The following ANO2 variants were observed in gnomAD, a reference collection of about 807,000 sequenced individuals.
ANO2 encodes anoctamin-2.
ANO2 carries 101 observed loss-of-function variants against 124.2 expected under a neutral mutation model. The observed-to-expected ratio is 0.81, with a 90% CI of 0.69 to 0.96. The LOEUF (loss-of-function observed/expected upper bound fraction) is 0.96. Among genes scored for constraint, ANO2 ranks in the 40% least tolerant of loss-of-function variants. The pLI, the probability that ANO2 is intolerant of heterozygous loss-of-function variation, is 0.00. For missense variants in ANO2, 1,293 were observed against 1,274.5 expected (o/e 1.01, Z -0.22); for synonymous variants, 486 against 482.5 (o/e 1.01, Z -0.09).
chr12:5,600,560 C>T (rs1326088920), intron 19 of ANO2, among the ~76,000 whole-genome samples: 6 of 152,138 alleles, frequency 3.9e-5, no homozygotes, highest in Non-Finnish European at 7.4e-5. Context: ...TATCTGGACA[C>T]AGTAAGCATT....
chr12:5,683,078 T>C (rs539818915), intron 14 of ANO2, among the ~76,000 whole-genome samples: 1 of 152,228 alleles, frequency 6.6e-6, no homozygotes, highest in Non-Finnish European at 1.5e-5. Flanking sequence ...CAGTAGAGAC[T>C]GTATACTGTG....
intron 20 of ANO2, among the ~76,000 whole-genome samples, chr12:5,590,185 T>G (rs1302451241): frequency 6.6e-6 from 1 of 152,130 alleles, no homozygotes; most frequent in Non-Finnish European, 1.5e-5. Context: ...TCAACACAAA[T>G]TCGTAAACTT....
At chr12:5,822,750 G>A (rs114676665) in intron 7 of ANO2, among the ~76,000 whole-genome samples, 1 of 152,282 alleles carries the variant, frequency 6.6e-6, no homozygotes, top group African/African-American at 2.4e-5. Flanking sequence ...TGTACGCAAT[G>A]CTTCTGCCAA....
chr12:5,876,874 G>T (rs1938139569), intron 3 of ANO2, among the ~76,000 whole-genome samples: 1 of 152,190 alleles, frequency 6.6e-6, no homozygotes, highest in African/African-American at 2.4e-5. Flanking sequence ...AATACCTAAT[G>T]TAGATGACGG....
At chr12:5,924,955 C>T (rs917957482) in intron 1 of ANO2, among the ~76,000 whole-genome samples, 1 of 152,174 alleles carries the variant, frequency 6.6e-6, no homozygotes, top group African/African-American at 2.4e-5. Context: ...GGGGCTCAGG[C>T]TCAGGGCTCT....
chr12:5,837,330 T>A lies in ANO2; in HGVS notation c.634-4727A>T, dbSNP rs1258136769. 2.5e-4 allele frequency among the ~76,000 whole-genome samples: 5 copies of A among 19,868 alleles called. No individual in the cohort carries two copies. In the Admixed American group the frequency reaches 3.7e-3, roughly 15 times the overall value. The allele number at this position is 19,868 out of a possible 152,430, so 13.0% of individuals were successfully genotyped here. ...TTTTTTTTATGATTCCTGCCTTTTT[T>A]TTTTTTTTTAAATTATACTTTAAGT... is the stretch of plus-strand genomic sequence containing the variant. On this transcript the variant is annotated intron_variant, in intron 4 of 24. Transcript: ENST00000682330.
In ANO2 at chr12:5,862,122, G is replaced by A. The variant is rs1174917857; in HGVS notation, c.535-7981C>T. 6.6e-6 allele frequency among the ~76,000 whole-genome samples: 1 copy of A among 152,138 alleles called. No individual in the cohort carries two copies. The highest frequency in any genetic ancestry group is 2.4e-5 in the African/African-American group (1 of 41,430). The stretch of plus-strand genomic sequence containing the variant: ...CACAGGGATTTGGGATTAAGCAAAG[G>A]GAAGAAGTTCCTGCCTAGGGAAGGA... On this transcript the variant is annotated intron_variant, in intron 3 of 24. Coordinates refer to ENST00000682330, the MANE Select transcript of ANO2 (RefSeq NM_001364791.2). This position sits in a 1 kb window ranked among gnomAD's most constrained non-coding sequence, Gnocchi z 4.0.
At chr12:5,812,371 A>AAAAGAAAG (rs368397839) in intron 7 of ANO2, among the ~76,000 whole-genome samples, 718 of 71,256 alleles carry the variant, frequency 0.01, 17 homozygotes, top group African/African-American at 0.03. Flanking sequence ...GAGAGAAAGA[A>AAAAGAAAG]AAAGAAAGAA....
intron 23 of ANO2, among the ~76,000 whole-genome samples, chr12:5,575,440 G>T (rs1032539402): frequency 2.6e-5 from 4 of 152,120 alleles, no homozygotes; most frequent in Non-Finnish European, 5.9e-5. Flanking sequence ...TTAACGATGG[G>T]GATATGTTCT....
rs202175340 is a variant in ANO2 at position 5,739,360 on chromosome 12, C to T, written c.1391G>A (p.Arg464Gln). The stretch of plus-strand genomic sequence containing the variant: ...AGTCAGGTCCCAAAAGTAGCCCAGT[C>T]GCATCTGTAGCCTCTTCCAGTTTTC... The part of the protein sequence containing the change: ...FLENWKRLQM[R>Q]LGYFWDLTGI... The change falls in exon 13 of 25, where the codon CGA becomes CAA. Residue 464 changes from arginine to glutamine, a missense_variant. Transcript: ENST00000682330. 1.1e-3 allele frequency: 1,691 copies of T among 1,607,590 alleles called. 10 individuals carry two copies. Among genetic ancestry groups the T allele is most frequent in the East Asian group, 6.5e-4 (29 of 44,752 alleles).
intron 12 of ANO2, among the ~76,000 whole-genome samples, chr12:5,742,743 G>A (rs1951139207): frequency 6.6e-6 from 1 of 152,128 alleles, no homozygotes; most frequent in Non-Finnish European, 1.5e-5. Flanking sequence ...AGCAAAAAAT[G>A]AATACGTATT....
At chr12:5,693,825 G>A (rs563985539) in intron 14 of ANO2, among the ~76,000 whole-genome samples, 3 of 152,230 alleles carry the variant, frequency 2.0e-5, no homozygotes, top group Non-Finnish European at 4.4e-5. Context: ...ACTGCCACAT[G>A]ACCAGCTCCT....
chr12:5,734,708 C>T (rs1215093531), intron 13 of ANO2, among the ~76,000 whole-genome samples: 1 of 151,524 alleles, frequency 6.6e-6, no homozygotes, highest in Admixed American at 6.6e-5. Flanking sequence ...AGTGCTGTGG[C>T]ATGATCTCGG....
At chr12:5,859,529 G>C (rs780858064) in intron 3 of ANO2, among the ~76,000 whole-genome samples, 2 of 151,628 alleles carry the variant, frequency 1.3e-5, no homozygotes, top group African/African-American at 4.9e-5. Flanking sequence ...TGAGTTCACC[G>C]GTCTCTCTCT....
At chr12:5,643,398 C>A (rs571980196) in intron 15 of ANO2, among the ~76,000 whole-genome samples, 1 of 152,098 alleles carries the variant, frequency 6.6e-6, no homozygotes, top group Non-Finnish European at 1.5e-5. Flanking sequence ...ATTTTCATGA[C>A]TGTGTAGTAT....
intron 14 of ANO2, among the ~76,000 whole-genome samples, chr12:5,655,752 T>C (rs552428473): frequency 6.6e-6 from 1 of 152,314 alleles, no homozygotes; most frequent in Admixed American, 6.5e-5. Flanking sequence ...TGGAACTCAT[T>C]CACAAGTGAA....
At chr12:5,907,179 C>T (rs1255110590) in intron 3 of ANO2, among the ~76,000 whole-genome samples, 1 of 152,144 alleles carries the variant, frequency 6.6e-6, no homozygotes, top group Non-Finnish European at 1.5e-5. Context: ...TGAATGATGT[C>T]GTTTTGTTTC....
At chr12:5,609,644 C>T (rs1198683743) in intron 19 of ANO2, among the ~76,000 whole-genome samples, 1 of 152,010 alleles carries the variant, frequency 6.6e-6, no homozygotes, top group African/African-American at 2.4e-5. Flanking sequence ...TTGGGATATA[C>T]ATCCTTTAGT....
Position 5,819,261 on chromosome 12 carries a change from G to A in ANO2, c.892+8508C>T, listed in dbSNP as rs7970264. 6.5e-3 allele frequency among the ~76,000 whole-genome samples: 985 copies of A among 152,296 alleles called. 8 individuals are homozygous for A. The highest frequency in any genetic ancestry group is 0.02 in the African/African-American group (831 of 41,556). ...GAAGCCCCAGTGGGCCCTTAGATGT[G>A]AGGTTGACAGTATGACCCACGAGAA... On this transcript the variant is annotated intron_variant, in intron 7 of 24. Coordinates refer to ENST00000682330, the MANE Select transcript of ANO2 (RefSeq NM_001364791.2).
Sources: gnomAD v4.1 joint callset for allele counts (sites outside exome capture counted in the v4.1 genomes callset) on GRCh38, gnomAD v4.1.1 for gene constraint, Gnocchi (gnomAD v3.1) non-coding constraint, MANE v1.5 for transcripts, NCBI Gene and HGNC (gene_info 2026-07-23, HGNC 2026-07-21) for gene names.